Variants in ATXN10 observed in about 807,000 individuals in gnomAD.
ATXN10 encodes ataxin 10.
In ATXN10, 28 loss-of-function variants were observed where a neutral mutation model predicts 52.9. The ratio of observed to expected loss-of-function variants is 0.53; its 90% confidence interval spans 0.39 to 0.73. The LOEUF (loss-of-function observed/expected upper bound fraction) is 0.73, where lower values mean the gene tolerates loss of function less well. Ranked by LOEUF, ATXN10 falls within the 30% of genes least tolerant of loss-of-function variation. The pLI is 0.00. For synonymous variants in ATXN10, 226 were observed against 221.5 expected (o/e 1.02, Z -0.18); for missense variants, 565 against 577.0 (o/e 0.98, Z 0.21).
chr22:45,778,213 C>G (rs945261231), intron 9 of ATXN10, among the ~76,000 whole-genome samples: 2 of 152,198 alleles, frequency 1.3e-5, no homozygotes, highest in Non-Finnish European at 2.9e-5. Flanking sequence ...TGACATTGAT[C>G]ATGTTCTGTA....
At chr22:45,827,865 G>T (rs1928866834) in intron 10 of ATXN10, among the ~76,000 whole-genome samples, 1 of 152,154 alleles carries the variant, frequency 6.6e-6, no homozygotes, top group Non-Finnish European at 1.5e-5. Flanking sequence ...AGGATAGAGT[G>T]TATATTAGGT....
At chr22:45,836,238 A>T (rs1019707852) in intron 10 of ATXN10, among the ~76,000 whole-genome samples, 3 of 152,248 alleles carry the variant, frequency 2.0e-5, no homozygotes, top group African/African-American at 7.2e-5. Flanking sequence ...CATAAATGAG[A>T]GTTGAGAACA....
At chr22:45,741,231 T>C (rs949603359) in intron 9 of ATXN10, among the ~76,000 whole-genome samples, 1 of 152,266 alleles carries the variant, frequency 6.6e-6, no homozygotes, top group Non-Finnish European at 1.5e-5. Context: ...GCATTGTACA[T>C]GTGTGTCTGC....
At chr22:45,746,556 T>TTTTC (rs1925733930) in intron 9 of ATXN10, among the ~76,000 whole-genome samples, 1 of 152,140 alleles carries the variant, frequency 6.6e-6, no homozygotes, top group South Asian at 2.1e-4. Flanking sequence ...GTGTTAGTGT[T>TTTTC]TTTCTTTTTG....
Position 45,835,569 on chromosome 22 carries a change from A to G in ATXN10, c.1238-7422A>G, listed in dbSNP as rs1360137518. ...GTACTGATTTGGGTTATGCACAGAT[A>G]TAAAATCTCTAGTGGACAGAGGTGT... On this transcript the variant is annotated intron_variant, in intron 10 of 11. Coordinates refer to ENST00000252934, the MANE Select transcript of ATXN10 (RefSeq NM_013236.4). This position sits in a 1 kb window ranked among gnomAD's most constrained non-coding sequence, Gnocchi z 5.0. 6.6e-6 allele frequency among the ~76,000 whole-genome samples: 1 copy of G among 152,250 alleles called. No individual in the cohort carries two copies. Among genetic ancestry groups the G allele is most frequent in the African/African-American group, 2.4e-5 (1 of 41,462 alleles).
At chr22:45,821,740 G>A (rs1191095596) in intron 10 of ATXN10, among the ~76,000 whole-genome samples, 1 of 152,114 alleles carries the variant, frequency 6.6e-6, no homozygotes, top group Non-Finnish European at 1.5e-5. Flanking sequence ...GATGCAACCT[G>A]TGAACTGCAT....
rs1438958612 is a variant in ATXN10, at chr22:45,780,631, T to C, written c.1174-26328T>C. Among the ~76,000 whole-genome samples, 1 of 152,180 alleles carries C rather than the reference T, an allele frequency of 6.6e-6. No individual in the cohort carries two copies. The highest frequency in any genetic ancestry group is 1.5e-5 in the Non-Finnish European group (1 of 68,024). ...CAGATACTACATGTAACGTGAACAG[T>C]GCTGGCCAATGCTTAGTACATATTA... On this transcript the variant is annotated intron_variant, in intron 9 of 11. Coordinates refer to ENST00000252934, the MANE Select transcript of ATXN10 (RefSeq NM_013236.4). The surrounding 1 kb of genome is among the most constrained non-coding windows in gnomAD (Gnocchi z 4.0).
intron 9 of ATXN10, chr22:45,792,461 T>C (rs1235555275): frequency 6.5e-6 from 1 of 153,102 alleles, no homozygotes; most frequent in Non-Finnish European, 1.5e-5. Context: ...TAACCACTTT[T>C]TCTCCACCGT....
Position 45,688,598 on chromosome 22 carries a change from G to T in ATXN10, c.117-1114G>T, listed in dbSNP as rs1246884639. 6.6e-6 allele frequency among the ~76,000 whole-genome samples: 1 copy of T among 152,188 alleles called. No individual in the cohort carries two copies. Among genetic ancestry groups the T allele is most frequent in the Non-Finnish European group, 1.5e-5 (1 of 68,026 alleles). The stretch of plus-strand genomic sequence containing the variant: ...GAAAGACGTGTTTCCTCTGCCCCCG[G>T]AAAAGGGGCTTCCATAGGTGTCTTC... On this transcript the variant is annotated intron_variant, in intron 1 of 11. Transcript: ENST00000252934. The surrounding 1 kb of genome is among the most constrained non-coding windows in gnomAD (Gnocchi z 4.0).
rs1273207046 is a variant in ATXN10, at chr22:45,780,364, A to C, written c.1174-26595A>C. 1.3e-5 allele frequency among the ~76,000 whole-genome samples: 2 copies of C among 152,228 alleles called. No individual in the cohort carries two copies. The highest frequency in any genetic ancestry group is 1.5e-5 in the Non-Finnish European group (1 of 68,040). On this transcript the variant is annotated intron_variant, in intron 9 of 11. Transcript: ENST00000252934. This position sits in a 1 kb window ranked among gnomAD's most constrained non-coding sequence, Gnocchi z 4.0. ...CTCCCAAATTGCTGGGATTACAGGC[A>C]TGAGCCACTGTGCCCGTCGGACTGT...
In ATXN10 at chr22:45,795,885, G is replaced by A. The variant is rs182578463; in HGVS notation, c.1174-11074G>A. Among the ~76,000 whole-genome samples, 4 of 152,242 alleles carry A rather than the reference G, an allele frequency of 2.6e-5. No individual in the cohort carries two copies. Among genetic ancestry groups the A allele is most frequent in the South Asian group, 2.1e-4 (1 of 4,818 alleles). On this transcript the variant is annotated intron_variant, in intron 9 of 11. Transcript: ENST00000252934. The surrounding 1 kb of genome is among the most constrained non-coding windows in gnomAD (Gnocchi z 4.6). ...AGGATGTATGTCACCTCAGGATCCCGTGATGATCACGTTATCTGCACAAAT... is the reference window on the plus strand; with the variant it reads ...AGGATGTATGTCACCTCAGGATCCCATGATGATCACGTTATCTGCACAAAT...
chr22:45,811,694 C>G (rs1173595821), intron 10 of ATXN10: 1 of 470,468 alleles, frequency 2.1e-6, no homozygotes, highest in Admixed American at 2.4e-5. Context: ...GTCTCTATCC[C>G]CAGTGCCACC....
chr22:45,716,194 G>A (rs1924437142), intron 5 of ATXN10, among the ~76,000 whole-genome samples: 2 of 152,054 alleles, frequency 1.3e-5, no homozygotes, highest in African/African-American at 4.8e-5. Context: ...GAACCTAGAA[G>A]TTTGAGGGTG....
In ATXN10 at chr22:45,816,311, C is replaced by T. The variant is rs1569076402; in HGVS notation, c.1237+9289C>T. The stretch of plus-strand genomic sequence containing the variant: ...CCCTATTTTGATCTTAGATCATAAT[C>T]AGGAGAAAGTGCTGAGCACTGAGAT... On this transcript the variant is annotated intron_variant, in intron 10 of 11. Transcript: ENST00000252934. The surrounding 1 kb of genome is among the most constrained non-coding windows in gnomAD (Gnocchi z 5.8). 1.3e-5 allele frequency among the ~76,000 whole-genome samples: 2 copies of T among 152,126 alleles called. No individual in the cohort carries two copies. Among genetic ancestry groups the T allele is most frequent in the Non-Finnish European group, 2.9e-5 (2 of 67,994 alleles).
intron 9 of ATXN10, chr22:45,793,718 C>T (rs774787873): frequency 2.0e-6 from 3 of 1,471,980 alleles, no homozygotes; most frequent in South Asian, 1.5e-5. Context: ...GGCCCTCTTG[C>T]CTGCTACTGA....
At chr22:45,726,433 CT>C (rs1306703874) in intron 6 of ATXN10, among the ~76,000 whole-genome samples, 1 of 151,976 alleles carries the variant, frequency 6.6e-6, no homozygotes, top group Non-Finnish European at 1.5e-5. Flanking sequence ...TCTAAATTTT[CT>C]TGTTTGTTTG....
At position 45,833,254 on chromosome 22, in the gene ATXN10, G is replaced by T. The variant is rs1482207870; in HGVS notation, c.1238-9737G>T. Among the ~76,000 whole-genome samples the T allele has an allele frequency of 6.6e-6, 1 of 152,144 alleles. No individual in the cohort carries two copies. Among genetic ancestry groups the T allele is most frequent in the Non-Finnish European group, 1.5e-5 (1 of 68,020 alleles). Reference sequence around the variant, plus strand: ...CAAGCCCTCCCCACCCTTGACCACCGACTTCCTGGGAGCTGCTGAAGGCGT... The same window carrying T: ...CAAGCCCTCCCCACCCTTGACCACCTACTTCCTGGGAGCTGCTGAAGGCGT... On this transcript the variant is annotated intron_variant, in intron 10 of 11. Transcript: ENST00000252934. This position sits in a 1 kb window ranked among gnomAD's most constrained non-coding sequence, Gnocchi z 4.3.
chr22:45,781,678 G>T lies in ATXN10; in HGVS notation c.1174-25281G>T, dbSNP rs1298228842. Among the ~76,000 whole-genome samples, 5 of 152,160 alleles carry T rather than the reference G, an allele frequency of 3.3e-5. No homozygotes were observed. Among genetic ancestry groups the T allele is most frequent in the Non-Finnish European group, 7.3e-5 (5 of 68,042 alleles). ...ATGGATGTTGGAATAATCTGATGAG[G>T]ATTTCAAAGCATCCATCATAGAAAT... On this transcript the variant is annotated intron_variant, in intron 9 of 11. Coordinates refer to ENST00000252934, the MANE Select transcript of ATXN10 (RefSeq NM_013236.4). The surrounding 1 kb of genome is among the most constrained non-coding windows in gnomAD (Gnocchi z 4.2).
At chr22:45,738,040 T>C (rs572143878) in intron 7 of ATXN10, among the ~76,000 whole-genome samples, 8 of 152,288 alleles carry the variant, frequency 5.3e-5, no homozygotes, top group African/African-American at 1.9e-4. Flanking sequence ...ACTTTAAAAA[T>C]GGGGTTCAAA....
Sources: allele counts gnomAD v4.1 joint callset (sites outside exome capture counted in the v4.1 genomes callset), GRCh38; gene constraint gnomAD v4.1.1; non-coding constraint Gnocchi (gnomAD v3.1); transcripts MANE v1.5; gene names NCBI Gene and HGNC (gene_info 2026-07-23, HGNC 2026-07-21).